USP24: variants seen among roughly 807,000 people sequenced by gnomAD.
USP24 encodes the protein ubiquitin carboxyl-terminal hydrolase 24.
USP24 carries 97 observed loss-of-function variants against 361.6 expected under a neutral mutation model. That is an observed-to-expected ratio of 0.27 (90% CI 0.23 to 0.32). The LOEUF (loss-of-function observed/expected upper bound fraction) is 0.32, where lower values mean the gene tolerates loss of function less well. Ranked by LOEUF, USP24 falls within the 10% of genes least tolerant of loss-of-function variation. The pLI is 1.00. For synonymous variants in USP24, 1,098 were observed against 1,124.6 expected (o/e 0.98, Z 0.47); for missense variants, 2,353 against 3,165.6 (o/e 0.74, Z 6.16).
chr1:55,147,852 C>T (rs1647073550), intron 17 of USP24, 54 bp from the exon 18 acceptor site: 4 of 1,577,186 alleles, frequency 2.5e-6, no homozygotes, highest in Non-Finnish European at 3.5e-6. Flanking sequence ...AGTTATTTTG[C>T]TGGTTTAATA....
At chr1:55,077,988 G>C (rs945526820) in intron 61 of USP24, among the ~76,000 whole-genome samples, 6 of 152,160 alleles carry the variant, frequency 3.9e-5, no homozygotes, top group Non-Finnish European at 7.3e-5. Flanking sequence ...CTCTGATATA[G>C]GTCTGTAGAG....
intron 48 of USP24, among the ~76,000 whole-genome samples, 197 bp downstream of exon 48, chr1:55,097,401 C>T (rs768844622): frequency 8.5e-5 from 13 of 152,122 alleles, no homozygotes; most frequent in Non-Finnish European, 1.2e-4. Flanking sequence ...CACTAGGATG[C>T]CTTCTAGAAA....
At chr1:55,137,296 G>C (rs1480444600) in intron 28 of USP24, among the ~76,000 whole-genome samples, 3 of 152,364 alleles carry the variant, frequency 2.0e-5, no homozygotes, top group African/African-American at 7.2e-5. Context: ...AACGAGTTCA[G>C]ACAACTGTTT....
intron 50 of USP24, 40 bp from the exon 51 acceptor site, chr1:55,095,436 AG>A: frequency 6.5e-7 from 1 of 1,545,536 alleles, no homozygotes; most frequent in South Asian, 1.2e-5. Flanking sequence ...TGTAAATAAA[AG>A]TTTTTCTTGT....
At chr1:55,069,850 G>A (rs1178093761) in intron 67 of USP24, among the ~76,000 whole-genome samples, 1 of 141,100 alleles carries the variant, frequency 7.1e-6, no homozygotes, top group Non-Finnish European at 1.5e-5. Flanking sequence ...TCCAGCCTGG[G>A]TGACAGAGCA....
chr1:55,096,609 C>G lies in USP24; in HGVS notation c.5950G>C (p.Gly1984Arg). The change falls in exon 50 of 68, where the codon GGA becomes CGA. Residue 1984 changes from glycine to arginine, a missense_variant. Physicochemically the swap from Gly to Arg is moderately radical, Grantham distance 125. Coordinates refer to ENST00000294383, the MANE Select transcript of USP24 (RefSeq NM_015306.3). ...GTGTCATTAAATTTATACCACTTTC[C>G]TTTTCCACACCCTCTAGAACCCAGA... ...FIKDRRGCGKGKWYKFNDTVI... is the reference protein window; with the variant it reads ...FIKDRRGCGKRKWYKFNDTVI... 1 of 1,609,860 alleles carries G rather than the reference C, an allele frequency of 6.2e-7. No individual in the cohort carries two copies. Among genetic ancestry groups the G allele is most frequent in the East Asian group, 2.2e-5 (1 of 44,760 alleles).
chr1:55,163,777 T>C (rs979631733), intron 7 of USP24, among the ~76,000 whole-genome samples: 1 of 151,976 alleles, frequency 6.6e-6, no homozygotes, highest in Admixed American at 6.6e-5. Context: ...TTGAACAAAA[T>C]GAGGACTGAA....
intron 52 of USP24, chr1:55,093,703 A>G: frequency 2.3e-6 from 1 of 433,134 alleles, no homozygotes; most frequent in Non-Finnish European, 4.1e-6. Flanking sequence ...AGAGCAGGTC[A>G]GTGATTGTGC....
intron 7 of USP24, among the ~76,000 whole-genome samples, chr1:55,164,967 A>C (rs1648680238): frequency 6.6e-6 from 1 of 152,132 alleles, no homozygotes; most frequent in African/African-American, 2.4e-5. Context: ...CCAGGGAAGC[A>C]AGTGGAGGCT....
intron 1 of USP24, among the ~76,000 whole-genome samples, chr1:55,211,286 C>T (rs752414972): frequency 2.0e-5 from 3 of 152,098 alleles, no homozygotes; most frequent in Non-Finnish European, 2.9e-5. Flanking sequence ...TCTTATGTGC[C>T]GTGGAATGAT....
chr1:55,072,127 C>A (rs551632173), intron 66 of USP24, among the ~76,000 whole-genome samples, 190 bp downstream of exon 66: 4 of 152,214 alleles, frequency 2.6e-5, no homozygotes, highest in Admixed American at 6.5e-5. Flanking sequence ...TCCTTCTAGA[C>A]AAATAATCTG....
intron 38 of USP24, among the ~76,000 whole-genome samples, chr1:55,114,764 A>T (rs12239265): frequency 0.029 from 4,435 of 152,288 alleles, 159 homozygotes; most frequent in African/African-American, 0.082. Context: ...TAAAGACTTA[A>T]ACGTAAGACC....
chr1:55,145,915 G>T, intron 20 of USP24, 83 bp downstream of exon 20: 1 of 998,180 alleles, frequency 1.0e-6, no homozygotes, highest in Non-Finnish European at 1.5e-6. Flanking sequence ...AGTTGCTTCT[G>T]AGAAGGAGGA....
chr1:55,205,371 G>A (rs1644679465), intron 1 of USP24, among the ~76,000 whole-genome samples: 1 of 152,120 alleles, frequency 6.6e-6, no homozygotes, highest in South Asian at 2.1e-4. Flanking sequence ...AAGAACAGAA[G>A]GGGCAGGAAA....
chr1:55,118,720 T>A (rs561191171), intron 38 of USP24, among the ~76,000 whole-genome samples: 1 of 152,124 alleles, frequency 6.6e-6, no homozygotes, highest in South Asian at 2.1e-4. Flanking sequence ...CAACAAATAA[T>A]CCAATTTAAA....
chr1:55,212,650 G>C (rs1644875069), intron 1 of USP24, among the ~76,000 whole-genome samples: 1 of 152,148 alleles, frequency 6.6e-6, no homozygotes, highest in Non-Finnish European at 1.5e-5. Context: ...TTAAACCACA[G>C]AGGCACATTC....
chr1:55,086,666 C>T (rs1468016026), intron 55 of USP24, among the ~76,000 whole-genome samples: 1 of 152,204 alleles, frequency 6.6e-6, no homozygotes, highest in Non-Finnish European at 1.5e-5. Context: ...CAGTAAAGTA[C>T]TTACATTGTT....
chr1:55,108,311 T>C (rs915028166), intron 39 of USP24, among the ~76,000 whole-genome samples: 1 of 152,168 alleles, frequency 6.6e-6, no homozygotes, highest in East Asian at 1.9e-4. Context: ...CAATTTCATA[T>C]TGGAAGTTGA....
At position 55,123,540 on chromosome 1, in the gene USP24, G is replaced by C; in HGVS notation, c.4183C>G (p.Arg1395Gly). Residue 1395 changes from arginine to glycine, a missense_variant, in exon 36 of 68, where the codon CGA becomes GGA. Physicochemically the swap from Arg to Gly is moderately radical, Grantham distance 125. This residue lies in a region of USP24 where 949 missense variants were observed against 1,280.5 expected (regional missense o/e 0.74). Transcript: ENST00000294383. ...TCTTTGGTGGATACAGACTGTTGTC[G>C]AACACAGATTCCCGCATGCAGGGCT... ...PVALHAGICV[R>G]QQSVSTKDSL... 1 of 1,601,814 alleles carries C rather than the reference G, an allele frequency of 6.2e-7. No individual in the cohort carries two copies. Among genetic ancestry groups the C allele is most frequent in the Non-Finnish European group, 8.5e-7 (1 of 1,174,150 alleles).
Sources: allele counts gnomAD v4.1 joint callset (sites outside exome capture counted in the v4.1 genomes callset), GRCh38; gene constraint gnomAD v4.1.1; regional missense constraint gnomAD v4.1.1; transcripts MANE v1.5; gene names NCBI Gene and HGNC (gene_info 2026-07-23, HGNC 2026-07-21).